PCDH11X: variants seen among roughly 807,000 people sequenced by gnomAD.
PCDH11X encodes the protein protocadherin-11 X-linked.
PCDH11X carries 18 observed loss-of-function variants against 53.3 expected under a neutral mutation model. That is an observed-to-expected ratio of 0.34 (90% CI 0.23 to 0.50). The LOEUF is 0.50. Ranked by LOEUF, PCDH11X falls within the 20% of genes least tolerant of loss-of-function variation. The pLI is 0.98. For missense variants in PCDH11X, 570 were observed against 1,032.4 expected, an observed-to-expected ratio of 0.55 and a Z score of 6.14; for synonymous variants, 279 against 393.3, an observed-to-expected ratio of 0.71 and a Z score of 3.44.
intron 6 of PCDH11X, among the ~76,000 whole-genome samples, chrX:92,070,494 T>C (rs1206838516): frequency 8.9e-6 from 1 of 112,057 alleles, no homozygotes; most frequent in Non-Finnish European, 1.9e-5. Flanking sequence ...TGCCACTCTC[T>C]CTTGTCCTGT....
intron 6 of PCDH11X, among the ~76,000 whole-genome samples, chrX:92,152,784 TATGTATGTATG>T (rs1454231978): frequency 1.6e-4 from 17 of 105,017 alleles, no homozygotes; most frequent in African/African-American, 4.0e-4. Context: ...TGTATGTATG[TATGTATGTATG>T]TATTTATTTA....
chrX:92,586,734 G>A (rs112664450), intron 10 of PCDH11X, among the ~76,000 whole-genome samples: 2,243 of 110,522 alleles, frequency 0.02, 33 homozygotes, highest in Middle Eastern at 0.086. Context: ...TCCTTTGGCT[G>A]CTCTGGTTAG....
At chrX:92,150,038 T>G (rs1161604826) in intron 6 of PCDH11X, among the ~76,000 whole-genome samples, 2 of 112,039 alleles carry the variant, frequency 1.8e-5, no homozygotes, top group Admixed American at 1.9e-4. Context: ...TTGTCTATTA[T>G]GGATAATTGA....
chrX:92,190,044 G>A (rs1333653010), intron 6 of PCDH11X, among the ~76,000 whole-genome samples: 1 of 111,879 alleles, frequency 8.9e-6, no homozygotes, highest in East Asian at 2.8e-4. Flanking sequence ...TTCTTTTGCT[G>A]TGCAGAAGCT....
At chrX:92,404,917 G>A (rs1399874527) in intron 9 of PCDH11X, among the ~76,000 whole-genome samples, 1 of 84,277 alleles carries the variant, frequency 1.2e-5, no homozygotes, top group African/African-American at 4.6e-5. Flanking sequence ...GCCACTTGGT[G>A]CAAGTGAACA....
intron 6 of PCDH11X, among the ~76,000 whole-genome samples, chrX:92,111,103 G>A (rs1387295869): frequency 9.5e-6 from 1 of 105,433 alleles, no homozygotes; most frequent in Non-Finnish European, 1.9e-5. Flanking sequence ...GCCTTATTTA[G>A]TTTAGTCTGC....
chrX:91,928,388 C>T (rs1942018738), intron 6 of PCDH11X, among the ~76,000 whole-genome samples: 1 of 103,436 alleles, frequency 9.7e-6, no homozygotes. Flanking sequence ...CTAAAAATGC[C>T]CTGATTAAAT....
At chrX:91,847,830 A>G (rs1014616195) in intron 5 of PCDH11X, among the ~76,000 whole-genome samples, 11 of 112,215 alleles carry the variant, frequency 9.8e-5, no homozygotes, top group African/African-American at 3.6e-4. Context: ...CACAAAAAAA[A>G]CAGACATGGA....
chrX:92,409,053 T>A (rs1569482268), intron 9 of PCDH11X, among the ~76,000 whole-genome samples: 1 of 103,578 alleles, frequency 9.7e-6, no homozygotes, highest in Non-Finnish European at 1.9e-5. Flanking sequence ...TTATATACTT[T>A]CTGAGAACTA....
At chrX:91,995,421 G>A (rs1207664656) in intron 6 of PCDH11X, among the ~76,000 whole-genome samples, 1 of 110,905 alleles carries the variant, frequency 9.0e-6, no homozygotes, top group Admixed American at 9.6e-5. Flanking sequence ...TTTTCCCAGT[G>A]CCACTTATTG....
At chrX:92,410,172 T>G (rs976511604) in intron 9 of PCDH11X, among the ~76,000 whole-genome samples, 2 of 111,317 alleles carry the variant, frequency 1.8e-5, no homozygotes, top group Admixed American at 9.6e-5. Flanking sequence ...ATTTCAGTTT[T>G]TCCCCTTATC....
chrX:92,249,665 A>G (rs1204397332), intron 7 of PCDH11X, among the ~76,000 whole-genome samples: 1 of 112,274 alleles, frequency 8.9e-6, no homozygotes, highest in African/African-American at 3.2e-5. Context: ...CAGTAGCCAT[A>G]ATATTCTGCT....
chrX:91,848,021 G>A (rs1486535732), intron 5 of PCDH11X, among the ~76,000 whole-genome samples: 1 of 111,102 alleles, frequency 9.0e-6, no homozygotes. Flanking sequence ...GAAGCTCAAT[G>A]TGTGACCGAG....
chrX:91,929,793 A>G (rs886211539), intron 6 of PCDH11X, among the ~76,000 whole-genome samples: 1 of 111,145 alleles, frequency 9.0e-6, no homozygotes, highest in African/African-American at 3.3e-5. Flanking sequence ...GATTTAGTCA[A>G]CTCTAGACAG....
chrX:92,073,791 G>A (rs2063737288), intron 6 of PCDH11X, among the ~76,000 whole-genome samples: 1 of 111,482 alleles, frequency 9.0e-6, no homozygotes, highest in Admixed American at 9.5e-5. Flanking sequence ...CAAAGATGGG[G>A]GTGGTTTGTT....
intron 6 of PCDH11X, among the ~76,000 whole-genome samples, chrX:91,953,923 T>C (rs2525361): frequency 0.091 from 9,924 of 109,576 alleles, 604 homozygotes; most frequent in African/African-American, 0.19. Flanking sequence ...GACCGTATTA[T>C]GAACATTAGT....
chrX:92,419,881 C>T (rs778631730), intron 9 of PCDH11X, among the ~76,000 whole-genome samples: 1 of 108,792 alleles, frequency 9.2e-6, no homozygotes, highest in Admixed American at 9.8e-5. Context: ...GGGGTTTCAC[C>T]GTTTTAGCCC....
At chrX:91,848,317 C>T (rs34243987) in intron 5 of PCDH11X, among the ~76,000 whole-genome samples, 12,860 of 109,399 alleles carry the variant, frequency 0.12, 1,941 homozygotes, top group African/African-American at 0.41. Context: ...TTCTCCTGCC[C>T]CAGCCTCCCG....
intron 10 of PCDH11X, among the ~76,000 whole-genome samples, chrX:92,612,298 C>T (rs781604207): frequency 1.0e-3 from 110 of 110,087 alleles, no homozygotes; most frequent in Non-Finnish European, 1.7e-3. Context: ...GATCTGTTCA[C>T]GGTTTCAATC....
Sources: gnomAD v4.1 joint callset for allele counts (sites outside exome capture counted in the v4.1 genomes callset) on GRCh38, gnomAD v4.1.1 for gene constraint, MANE v1.5 for transcripts, NCBI Gene and HGNC (gene_info 2026-07-23, HGNC 2026-07-21) for gene names.